Variants in CEPT1 observed in about 807,000 individuals in gnomAD.
CEPT1 encodes choline/ethanolaminephosphotransferase 1.
A neutral mutation model predicts 42.6 loss-of-function variants in CEPT1; 7 were observed. The ratio of observed to expected loss-of-function variants is 0.16; its 90% CI spans 0.09 to 0.31. The LOEUF is 0.31. CEPT1 is among the 10% of genes least tolerant of loss of function. The probability of loss-of-function intolerance (pLI) is 1.00; values close to 1 mark genes in which losing one functional copy is unlikely to be tolerated. For synonymous variants in CEPT1, 171 were observed against 171.9 expected, an observed-to-expected ratio of 0.99 and a Z score of 0.04; for missense variants, 306 against 502.1, an observed-to-expected ratio of 0.61 and a Z score of 3.73.
rs1419501903 is a variant in CEPT1 at position 111,140,230 on chromosome 1, A to G, written c.-151A>G. On this transcript the variant is annotated 5_prime_UTR_variant, in exon 1 of 9. Coordinates refer to ENST00000357172, the MANE Select transcript of CEPT1 (RefSeq NM_006090.5). ...TACGGCAATCGCGAAAGTGTCGTGA[A>G]CGTGCTGCCGCCGATCAGTCACCCA... The G allele has an allele frequency of 1.3e-5, 2 of 152,318 alleles. No homozygotes were observed. Among genetic ancestry groups the G allele is most frequent in the African/African-American group, 2.4e-5 (1 of 41,464 alleles). The allele number at this position is 152,318 out of a possible 1,614,324, so 9.4% of individuals were successfully genotyped here.
chr1:111,159,047 A>G (rs7527877), intron 2 of CEPT1, among the ~76,000 whole-genome samples: 68,014 of 147,690 alleles, frequency 0.46, 16,281 homozygotes, highest in African/African-American at 0.6. Context: ...CCAAGTAGCT[A>G]GGACTACAGG....
At chr1:111,163,581 T>C (rs1381329224) in intron 4 of CEPT1, among the ~76,000 whole-genome samples, 1 of 151,524 alleles carries the variant, frequency 6.6e-6, no homozygotes, top group Non-Finnish European at 1.5e-5. Flanking sequence ...CCATCCAGCC[T>C]GGCAACAGAG....
chr1:111,147,855 A>G lies in CEPT1; in HGVS notation c.141A>G (p.Gln47=). The change falls in exon 2 of 9, where the codon CAA becomes CAG. Residue 47 remains glutamine, a synonymous_variant. Transcript: ENST00000357172. ...CAACACCACCATTGTCAAGACACCA[A>G]CTAAAGCGGCTAGAAGAACACAGAT... The part of the protein sequence containing the change: ...QLPTPPLSRH[Q]LKRLEEHRYQ... The G allele has an allele frequency of 6.2e-7, 1 of 1,614,156 alleles. No individual in the cohort carries two copies. The highest frequency in any genetic ancestry group is 8.5e-7 in the Non-Finnish European group (1 of 1,180,024).
At chr1:111,182,010 A>G in intron 5 of CEPT1, 177 bp from the exon 6 acceptor site, 1 of 411,504 alleles carries the variant, frequency 2.4e-6, no homozygotes, top group Non-Finnish European at 4.3e-6. Flanking sequence ...AATAGTCTCA[A>G]CTCTTGAGAC....
intron 2 of CEPT1, among the ~76,000 whole-genome samples, chr1:111,157,305 A>G (rs1368647762): frequency 6.6e-6 from 1 of 152,150 alleles, no homozygotes; most frequent in Non-Finnish European, 1.5e-5. Flanking sequence ...TTGGACCCCA[A>G]GAAACCCCTA....
chr1:111,139,871 G>A (rs1240414684), upstream of CEPT1: 2 of 152,234 alleles, frequency 1.3e-5, no homozygotes, highest in Non-Finnish European at 2.9e-5. Context: ...GTAGCCCCCG[G>A]AGGCAATGAG....
chr1:111,143,774 G>C (rs1654797210), intron 1 of CEPT1, among the ~76,000 whole-genome samples: 1 of 152,070 alleles, frequency 6.6e-6, no homozygotes, highest in Non-Finnish European at 1.5e-5. Context: ...GTTTTGCTCT[G>C]TTGCCTGGGC....
chr1:111,140,858 G>T (rs1654474685), intron 1 of CEPT1, among the ~76,000 whole-genome samples: 2 of 152,236 alleles, frequency 1.3e-5, no homozygotes, highest in African/African-American at 4.8e-5. Context: ...TAAGCTGTGA[G>T]ATTGCTAGCT....
At chr1:111,154,966 A>G (rs962453649) in intron 2 of CEPT1, among the ~76,000 whole-genome samples, 14 of 151,948 alleles carry the variant, frequency 9.2e-5, no homozygotes, top group African/African-American at 1.7e-4. Context: ...TTGCATCCTT[A>G]TCTGGTTTTG....
In CEPT1 at chr1:111,184,367, TAAG is replaced by T. The variant is rs547602849; in HGVS notation, c.*58_*60del. 983 of 1,379,680 alleles carry T rather than the reference TAAG, an allele frequency of 7.1e-4. 1 individual carries two copies. Among genetic ancestry groups the T allele is most frequent in the Admixed American group, 2.5e-3 (136 of 53,370 alleles). 85.5% of individuals were successfully genotyped at this position (1,379,680 alleles called of 1,614,324 possible). On this transcript the variant is annotated 3_prime_UTR_variant, in exon 9 of 9. Coordinates refer to ENST00000357172, the MANE Select transcript of CEPT1 (RefSeq NM_006090.5). ...TTCTGCAGGAAAGAAAGTAACATAT[TAAG>T]GAGAATGGGGGTGGATAAGAACAAA...
chr1:111,155,626 G>A (rs956217873), intron 2 of CEPT1, among the ~76,000 whole-genome samples: 2 of 151,734 alleles, frequency 1.3e-5, no homozygotes, highest in East Asian at 1.9e-4. Context: ...TGCAACCTCC[G>A]CCTCACCTGG....
At chr1:111,183,635 T>C (rs1456331870) in intron 8 of CEPT1, 48 bp downstream of exon 8, 7 of 1,558,908 alleles carry the variant, frequency 4.5e-6, no homozygotes, top group East Asian at 4.5e-5. Flanking sequence ...GTTTGAAGGT[T>C]GCTTGTTTTC....
intron 1 of CEPT1, chr1:111,143,581 C>T (rs765021535): frequency 7.2e-5 from 11 of 151,994 alleles, no homozygotes; most frequent in Non-Finnish European, 1.6e-4. Flanking sequence ...AGACTGGTGG[C>T]TAGGTTTCTA....
At chr1:111,158,625 A>G (rs1424482911) in intron 2 of CEPT1, among the ~76,000 whole-genome samples, 1 of 152,182 alleles carries the variant, frequency 6.6e-6, no homozygotes, top group Non-Finnish European at 1.5e-5. Context: ...TAAGGACTAG[A>G]AGAAGTCCTG....
intron 1 of CEPT1, among the ~76,000 whole-genome samples, chr1:111,142,950 A>G (rs1209916259): frequency 6.6e-6 from 1 of 152,228 alleles, no homozygotes; most frequent in Non-Finnish European, 1.5e-5. Flanking sequence ...TAGGACTTTG[A>G]CAGTATTATT....
At chr1:111,177,030 C>T (rs1656710282) in intron 5 of CEPT1, among the ~76,000 whole-genome samples, 1 of 152,182 alleles carries the variant, frequency 6.6e-6, no homozygotes, top group Non-Finnish European at 1.5e-5. Flanking sequence ...TATGTTATCA[C>T]TATTAACCAA....
At chr1:111,183,437 C>G in intron 7 of CEPT1, 25 bp from the exon 8 acceptor site, 1 of 1,609,904 alleles carries the variant, frequency 6.2e-7, no homozygotes, top group Non-Finnish European at 8.5e-7. Flanking sequence ...ATGAAAATGC[C>G]TACGTTATTC....
intron 5 of CEPT1, among the ~76,000 whole-genome samples, chr1:111,178,014 G>A (rs1274644173): frequency 6.6e-6 from 1 of 152,076 alleles, no homozygotes; most frequent in East Asian, 1.9e-4. Context: ...ATTGACCCCA[G>A]ATCACTATAT....
At chr1:111,160,865 C>T in intron 3 of CEPT1, 1 of 401,992 alleles carries the variant, frequency 2.5e-6, no homozygotes, top group South Asian at 2.4e-5. Context: ...ATCATTAGTA[C>T]TAGTGTCTCT....
Sources: allele counts gnomAD v4.1 joint callset (sites outside exome capture counted in the v4.1 genomes callset), GRCh38; gene constraint gnomAD v4.1.1; transcripts MANE v1.5; gene names NCBI Gene and HGNC (gene_info 2026-07-23, HGNC 2026-07-21).